Variants in FREM3 observed in about 807,000 individuals in gnomAD.
The protein encoded by FREM3 is FRAS1 related extracellular matrix 3, also known as FRAS1-related extracellular matrix protein 3.
In FREM3, 105 loss-of-function variants were observed where a neutral mutation model predicts 129.1. The ratio of observed to expected loss-of-function variants is 0.81; its 90% CI spans 0.69 to 0.96. The LOEUF (loss-of-function observed/expected upper bound fraction) is 0.96. Among genes scored for constraint, FREM3 ranks in the 40% least tolerant of loss-of-function variants. The probability of loss-of-function intolerance (pLI) is 0.00; values close to 1 mark genes in which losing one functional copy is unlikely to be tolerated. For synonymous variants in FREM3, 1,014 were observed against 1,044.9 expected (o/e 0.97, Z 0.57); for missense variants, 2,593 against 2,666.3 (o/e 0.97, Z 0.61).
chr4:143,651,781 T>C (rs758474258), intron 2 of FREM3, among the ~76,000 whole-genome samples: 4 of 152,132 alleles, frequency 2.6e-5, no homozygotes, highest in Non-Finnish European at 4.4e-5. Flanking sequence ...CACCCTTAAG[T>C]CATTTATACT....
At chr4:143,689,658 A>G (rs1199344065) in intron 2 of FREM3, among the ~76,000 whole-genome samples, 1 of 151,832 alleles carries the variant, frequency 6.6e-6, no homozygotes, top group Non-Finnish European at 1.5e-5. Context: ...ACGAGTGGAT[A>G]AAGAAACTGT....
chr4:143,663,789 C>T (rs1212102550), intron 2 of FREM3, among the ~76,000 whole-genome samples: 2 of 152,004 alleles, frequency 1.3e-5, no homozygotes, highest in African/African-American at 4.8e-5. Context: ...CATTTCTTTT[C>T]ATTCTTTTTT....
At chr4:143,636,237 A>G (rs1449670042) in intron 2 of FREM3, among the ~76,000 whole-genome samples, 2 of 149,008 alleles carry the variant, frequency 1.3e-5, no homozygotes, top group Admixed American at 6.6e-5. Flanking sequence ...AGGAAAACAT[A>G]TAACCTCATA....
intron 6 of FREM3, among the ~76,000 whole-genome samples, chr4:143,589,422 G>T (rs1738312645): frequency 6.6e-6 from 1 of 152,060 alleles, no homozygotes; most frequent in Admixed American, 6.6e-5. Flanking sequence ...TTTGTATAAG[G>T]TGTAAGGAAG....
chr4:143,626,917 CCTAT>C (rs1182049597), intron 3 of FREM3, among the ~76,000 whole-genome samples: 2 of 152,100 alleles, frequency 1.3e-5, no homozygotes, highest in African/African-American at 2.4e-5. Flanking sequence ...ACAATATAAC[CCTAT>C]CTGTCTTCTT....
chr4:143,654,729 T>C (rs1198882486), intron 2 of FREM3, among the ~76,000 whole-genome samples: 1 of 152,246 alleles, frequency 6.6e-6, no homozygotes. Context: ...TGACATCTAC[T>C]AATCTGGAGG....
intron 2 of FREM3, among the ~76,000 whole-genome samples, chr4:143,675,598 A>G (rs1740101197): frequency 6.6e-6 from 1 of 152,338 alleles, no homozygotes; most frequent in Non-Finnish European, 1.5e-5. Context: ...CAATGGATCC[A>G]GGAGCTGGTT....
In FREM3 at chr4:143,695,663, C is replaced by A; in HGVS notation, c.5013G>T (p.Leu1671Phe). ...QITTNRGAPALKRLHTGHMGF... is the reference protein window; with the variant it reads ...QITTNRGAPAFKRLHTGHMGF... ...CCATGTGTCCAGTGTGAAGGCGCTTCAAGGCTGGGGCACCCCTGTTGGTAG... is the reference window on the plus strand; with the variant it reads ...CCATGTGTCCAGTGTGAAGGCGCTTAAAGGCTGGGGCACCCCTGTTGGTAG... The change falls in exon 1 of 8, where the codon TTG becomes TTT. Residue 1671 changes from leucine (L) to phenylalanine (F), a missense_variant. Around this residue, in one of 2 missense-constraint regions of FREM3, gnomAD observed 2,276 missense variants for 2,267.2 expected, o/e 1.00. Transcript: ENST00000329798. 2 of 1,537,218 alleles carry A rather than the reference C, an allele frequency of 1.3e-6. No homozygotes were observed. The highest frequency in any genetic ancestry group is 1.7e-6 in the Non-Finnish European group (2 of 1,146,910).
In FREM3 at chr4:143,699,180, G is replaced by T. The variant is rs1305130171; in HGVS notation, c.1496C>A (p.Ala499Glu). Residue 499 changes from alanine to glutamate, a missense_variant, in exon 1 of 8, where the codon GCA becomes GAA. By Grantham distance (107) the Ala-to-Glu change is moderately radical. This residue lies in a region of FREM3 where 2,276 missense variants were observed against 2,267.2 expected (regional missense o/e 1.00). Coordinates refer to ENST00000329798, the MANE Select transcript of FREM3 (RefSeq NM_001168235.2). This position sits in a 1 kb window ranked among gnomAD's most constrained non-coding sequence, Gnocchi z 4.2. Reference protein sequence around the residue: ...GCKYFTPADLAAGRVVYQHDG... With the variant: ...GCKYFTPADLEAGRVVYQHDG... ...ATGCTGATACACCACTCGCCCTGCT[G>T]CCAGGTCCGCTGGTGTGAAATACTT... 3 of 1,537,238 alleles carry T rather than the reference G, an allele frequency of 2.0e-6. No individual in the cohort carries two copies. Among genetic ancestry groups the T allele is most frequent in the Middle Eastern group, 1.7e-4 (1 of 6,012 alleles).
chr4:143,688,304 A>G (rs1740403930), intron 2 of FREM3, among the ~76,000 whole-genome samples: 1 of 152,232 alleles, frequency 6.6e-6, no homozygotes, highest in African/African-American at 2.4e-5. Flanking sequence ...ATACTTAGGA[A>G]TATACCTAAC....
rs1206898905 is a variant in FREM3 at position 143,577,308 on chromosome 4, G to A, written c.*303C>T. ...ATCAGTAAAGAGAGGTTAATTCTTT[G>A]ATCTTAACTTTTGATTTAATTGATC... On this transcript the variant is annotated 3_prime_UTR_variant, in exon 8 of 8. Transcript: ENST00000329798. 2.2e-6 allele frequency: 1 copy of A among 453,962 alleles called. No homozygotes were observed. The highest frequency in any genetic ancestry group is 3.2e-5 in the East Asian group (1 of 30,908). 28.1% of individuals were successfully genotyped at this position (453,962 alleles called of 1,614,324 possible).
At chr4:143,686,617 A>G (rs1282356047) in intron 2 of FREM3, among the ~76,000 whole-genome samples, 2 of 152,182 alleles carry the variant, frequency 1.3e-5, no homozygotes, top group Admixed American at 1.3e-4. Flanking sequence ...TTGAAATTAT[A>G]TCAAGCACTC....
rs1560876882 is a variant in FREM3 at position 143,696,852 on chromosome 4, GTC to G, written c.3822_3823del (p.Glu1274AspfsTer7). The G allele has an allele frequency of 5.2e-6, 8 of 1,537,672 alleles. No individual in the cohort carries two copies. The highest frequency in any genetic ancestry group is 1.7e-4 in the Middle Eastern group (1 of 5,996). On this transcript the variant is annotated frameshift_variant, in exon 1 of 8. Transcript: ENST00000329798. LOFTEE classifies it high-confidence loss of function. ...CCAGACCTCAAAACTGTCCTCTTTTGTCTCTGAGTCATCATGCTCATACACAA... is the reference window on the plus strand; with the variant it reads ...CCAGACCTCAAAACTGTCCTCTTTTGTCTGAGTCATCATGCTCATACACAA...
chr4:143,695,948 G>T lies in FREM3; in HGVS notation c.4728C>A (p.Ile1576=), dbSNP rs1362012982. ...DTPDDLILFT[I]TQVPMHGKIL... ...TCTTGCCATGCATGGGGACCTGGGT[G>T]ATGGTAAAGAGAATAAGGTCATCTG... Residue 1576 remains isoleucine (I), a synonymous_variant, in exon 1 of 8, where the codon ATC becomes ATA. Coordinates refer to ENST00000329798, the MANE Select transcript of FREM3 (RefSeq NM_001168235.2). 1 of 1,537,710 alleles carries T rather than the reference G, an allele frequency of 6.5e-7. No individual in the cohort carries two copies. The highest frequency in any genetic ancestry group is 8.7e-7 in the Non-Finnish European group (1 of 1,147,016).
intron 2 of FREM3, among the ~76,000 whole-genome samples, chr4:143,628,077 G>A (rs949599265): frequency 6.6e-5 from 10 of 151,794 alleles, no homozygotes; most frequent in East Asian, 1.9e-4. Flanking sequence ...CACCTCTATC[G>A]TTTCCTCCCT....
chr4:143,654,580 G>A (rs1739566701), intron 2 of FREM3, among the ~76,000 whole-genome samples: 1 of 152,200 alleles, frequency 6.6e-6, no homozygotes, highest in Non-Finnish European at 1.5e-5. Flanking sequence ...ATGATTGTTG[G>A]TAAGAATAAA....
At chr4:143,600,151 C>T (rs559606909) in intron 6 of FREM3, among the ~76,000 whole-genome samples, 80 of 152,218 alleles carry the variant, frequency 5.3e-4, no homozygotes, top group African/African-American at 1.8e-3. Flanking sequence ...CAGTGGCTAG[C>T]ATAAAAAGGA....
chr4:143,674,124 A>C (rs547641433), intron 2 of FREM3, among the ~76,000 whole-genome samples: 1 of 152,184 alleles, frequency 6.6e-6, no homozygotes, highest in Non-Finnish European at 1.5e-5. Context: ...AACAAGCCCC[A>C]GTGAGATGAA....
In FREM3 at chr4:143,587,107, A is replaced by G. The variant is rs553560686; in HGVS notation, c.6029-1114T>C. On this transcript the variant is annotated intron_variant, in intron 6 of 7. Coordinates refer to ENST00000329798, the MANE Select transcript of FREM3 (RefSeq NM_001168235.2). ...AGGGAGTAGTAGTAGTAAAACTGCA[A>G]GACCTCTCCTGTCCTGGTTATGCCA... Among the ~76,000 whole-genome samples, 30 of 152,318 alleles carry G rather than the reference A, an allele frequency of 2.0e-4. No individual in the cohort carries two copies. In the South Asian group the frequency reaches 3.7e-3, roughly 19 times the overall value.
Sources: allele counts gnomAD v4.1 joint callset (sites outside exome capture counted in the v4.1 genomes callset), GRCh38; gene constraint gnomAD v4.1.1; regional missense constraint gnomAD v4.1.1; non-coding constraint Gnocchi (gnomAD v3.1); transcripts MANE v1.5; gene names NCBI Gene and HGNC (gene_info 2026-07-23, HGNC 2026-07-21).